CGNL1: variants seen among roughly 807,000 people sequenced by gnomAD.
The protein encoded by CGNL1 is cingulin-like protein 1.
In CGNL1, 132 loss-of-function variants were observed where a neutral mutation model predicts 141.2. That is an observed-to-expected ratio of 0.93 (90% CI 0.81 to 1.08). The LOEUF is 1.08. Ranked by LOEUF, CGNL1 falls within the 50% of genes least tolerant of loss-of-function variation. The pLI is 0.00. For missense variants in CGNL1, 1,870 were observed against 1,588.6 expected, an observed-to-expected ratio of 1.18 and a Z score of -3.01; for synonymous variants, 690 against 622.1, an observed-to-expected ratio of 1.11 and a Z score of -1.63.
chr15:57,383,309 T>G (rs1595642198), intron 1 of CGNL1, among the ~76,000 whole-genome samples: 1 of 121,032 alleles, frequency 8.3e-6, no homozygotes, highest in African/African-American at 3.1e-5. Context: ...TTTTTTTGTT[T>G]TTTTGATACA....
chr15:57,506,200 C>A (rs1345538672), intron 8 of CGNL1, among the ~76,000 whole-genome samples: 1 of 152,224 alleles, frequency 6.6e-6, no homozygotes, highest in African/African-American at 2.4e-5. Context: ...TTCCCACCCC[C>A]CAATATTTTC....
intron 8 of CGNL1, among the ~76,000 whole-genome samples, chr15:57,483,934 GA>G (rs1169885666): frequency 2.6e-5 from 4 of 152,074 alleles, no homozygotes; most frequent in Non-Finnish European, 5.9e-5. Flanking sequence ...AGCATTCCTG[GA>G]ATAAACTTCA....
chr15:57,378,370 T>TG (rs2062389222), intron 1 of CGNL1, among the ~76,000 whole-genome samples: 2 of 76,334 alleles, frequency 2.6e-5, no homozygotes, highest in African/African-American at 1.2e-4. Context: ...TGTGTTTTTT[T>TG]TTTTTTTTTT....
intron 8 of CGNL1, among the ~76,000 whole-genome samples, chr15:57,490,982 A>G (rs1567150417): frequency 6.6e-6 from 1 of 152,186 alleles, no homozygotes; most frequent in East Asian, 1.9e-4. Context: ...ACAGTCATCA[A>G]AACCAGGGAG....
At chr15:57,431,385 C>T (rs139224164) in intron 1 of CGNL1, among the ~76,000 whole-genome samples, 8 of 152,316 alleles carry the variant, frequency 5.3e-5, no homozygotes, top group African/African-American at 1.7e-4. Context: ...CCTACATTTG[C>T]ACTACAAAAC....
At position 57,439,164 on chromosome 15, in the gene CGNL1, G is replaced by T; in HGVS notation, c.1165G>T (p.Val389Leu). ...NTDDRKRSRS[V>L]DSAFPFGLQG... ...AGATGACAGGAAAAGATCCAGAAGC[G>T]TGGATAGCGCCTTTCCTTTTGGCCT... The change falls in exon 2 of 19, where the codon GTG (valine) becomes TTG (leucine). Residue 389 changes from valine (V) to leucine (L), a missense_variant. Transcript: ENST00000281282. The T allele has an allele frequency of 6.2e-7, 1 of 1,614,180 alleles. No homozygotes were observed. Among genetic ancestry groups the T allele is most frequent in the East Asian group, 2.2e-5 (1 of 44,880 alleles).
intron 9 of CGNL1, 32 bp from the exon 10 acceptor site, chr15:57,518,361 T>C (rs1170225607): frequency 1.3e-6 from 2 of 1,501,586 alleles, no homozygotes; most frequent in Admixed American, 1.7e-5. Context: ...AGCACACATC[T>C]AAGTGCACAC....
intron 3 of CGNL1, among the ~76,000 whole-genome samples, chr15:57,440,923 A>C (rs2152309714): frequency 6.6e-6 from 1 of 152,208 alleles, no homozygotes; most frequent in East Asian, 1.9e-4. Flanking sequence ...TGAGTCATTT[A>C]AAAGCAGTGC....
chr15:57,403,236 G>A (rs1824743198), intron 1 of CGNL1, among the ~76,000 whole-genome samples: 1 of 152,168 alleles, frequency 6.6e-6, no homozygotes, highest in Non-Finnish European at 1.5e-5. Flanking sequence ...GCTGAGCTTT[G>A]TCAGCCAGGT....
At chr15:57,470,869 A>C (rs889657529) in intron 8 of CGNL1, among the ~76,000 whole-genome samples, 1 of 152,156 alleles carries the variant, frequency 6.6e-6, no homozygotes, top group African/African-American at 2.4e-5. Context: ...TCAGGTGAGA[A>C]ATAGCATGTC....
At chr15:57,381,437 T>A (rs992003388) in intron 1 of CGNL1, among the ~76,000 whole-genome samples, 8 of 152,110 alleles carry the variant, frequency 5.3e-5, no homozygotes, top group African/African-American at 1.7e-4. Flanking sequence ...GGTGCGTGCC[T>A]GTGGTCCCAG....
chr15:57,421,280 A>G (rs1340600448), intron 1 of CGNL1, among the ~76,000 whole-genome samples: 1 of 152,164 alleles, frequency 6.6e-6, no homozygotes, highest in Non-Finnish European at 1.5e-5. Flanking sequence ...TGTTTAAGCC[A>G]CTCAGTCTGT....
chr15:57,525,568 G>A (rs756315542), intron 12 of CGNL1, among the ~76,000 whole-genome samples: 15 of 152,060 alleles, frequency 9.9e-5, no homozygotes, highest in East Asian at 1.9e-4. Context: ...TGTACATCCC[G>A]GACACTTCAT....
At chr15:57,423,126 A>C (rs1430951189) in intron 1 of CGNL1, among the ~76,000 whole-genome samples, 2 of 152,164 alleles carry the variant, frequency 1.3e-5, no homozygotes, top group Non-Finnish European at 2.9e-5. Context: ...AGGTATTTCC[A>C]TATGCTTCTG....
intron 1 of CGNL1, among the ~76,000 whole-genome samples, chr15:57,428,764 C>T (rs978575350): frequency 7.9e-5 from 12 of 152,162 alleles, no homozygotes; most frequent in Admixed American, 6.5e-4. Context: ...GTGGCTCATG[C>T]CTGTATTCCC....
At chr15:57,528,988 T>G in intron 13 of CGNL1, 173 bp downstream of exon 13, 2 of 622,510 alleles carry the variant, frequency 3.2e-6, no homozygotes, top group South Asian at 4.1e-5. Context: ...GCCAGTCATT[T>G]ATAGACTCAG....
In CGNL1 at chr15:57,518,451, C is replaced by G; in HGVS notation, c.2669C>G (p.Ala890Gly). 4 of 1,612,846 alleles carry G rather than the reference C, an allele frequency of 2.5e-6. No homozygotes were observed. The highest frequency in any genetic ancestry group is 3.4e-6 in the Non-Finnish European group (4 of 1,179,438). ...LVHARKEEKE[A>G]VSARRALENE... Reference sequence around the variant, plus strand: ...CACGCCAGAAAGGAAGAAAAAGAAGCTGTGTCAGCCAGAAGGGCCCTGGAG... The same window carrying G: ...CACGCCAGAAAGGAAGAAAAAGAAGGTGTGTCAGCCAGAAGGGCCCTGGAG... Residue 890 changes from alanine to glycine, a missense_variant, in exon 10 of 19, where the codon GCT becomes GGT. By Grantham distance (60) the Ala-to-Gly change is moderately conservative. Transcript: ENST00000281282.
At chr15:57,461,408 C>T (rs1471074932) in intron 7 of CGNL1, among the ~76,000 whole-genome samples, 1 of 152,172 alleles carries the variant, frequency 6.6e-6, no homozygotes. Context: ...TTCCCCAAAG[C>T]AGTGAAATTT....
intron 1 of CGNL1, among the ~76,000 whole-genome samples, chr15:57,385,104 A>T (rs1766448170): frequency 6.6e-6 from 1 of 152,210 alleles, no homozygotes; most frequent in Non-Finnish European, 1.5e-5. Context: ...ACTTCCATGC[A>T]TTGTTCGGGG....
Sources: allele counts gnomAD v4.1 joint callset (sites outside exome capture counted in the v4.1 genomes callset), GRCh38; gene constraint gnomAD v4.1.1; transcripts MANE v1.5; gene names NCBI Gene and HGNC (gene_info 2026-07-23, HGNC 2026-07-21).